Variants in ACTR3 observed in about 807,000 individuals in gnomAD.
The protein encoded by ACTR3 is actin related protein 3.
Under a neutral mutation model 56.8 loss-of-function variants are expected in ACTR3, and 12 were observed. That is an observed-to-expected ratio of 0.21 (90% CI 0.14 to 0.34). The LOEUF (loss-of-function observed/expected upper bound fraction) is 0.34. Ranked by LOEUF, ACTR3 falls within the 10% of genes least tolerant of loss-of-function variation. The pLI is 1.00. For synonymous variants in ACTR3, 162 were observed against 167.4 expected, an observed-to-expected ratio of 0.97 and a Z score of 0.25; for missense variants, 282 against 512.5, an observed-to-expected ratio of 0.55 and a Z score of 4.34.
intron 1 of ACTR3, among the ~76,000 whole-genome samples, chr2:113,912,607 A>G (rs762064264): frequency 8.5e-5 from 13 of 152,140 alleles, no homozygotes; most frequent in Non-Finnish European, 1.6e-4. Flanking sequence ...TTTGGAGACA[A>G]CCAAAATTAT....
At chr2:113,939,181 G>T (rs1679881773) in intron 6 of ACTR3, among the ~76,000 whole-genome samples, 1 of 151,758 alleles carries the variant, frequency 6.6e-6, no homozygotes, top group South Asian at 2.1e-4. Flanking sequence ...GCGCCACCAT[G>T]CCCGGCTAAT....
intron 1 of ACTR3, 145 bp downstream of exon 1, chr2:113,890,468 G>A: frequency 7.8e-7 from 1 of 1,278,734 alleles, no homozygotes; most frequent in Non-Finnish European, 1.0e-6. Context: ...GAGGGGTGGG[G>A]CCCGCAGCCA....
intron 1 of ACTR3, among the ~76,000 whole-genome samples, chr2:113,911,899 G>A (rs1043084233): frequency 6.6e-6 from 1 of 150,890 alleles, no homozygotes; most frequent in Non-Finnish European, 1.5e-5. Context: ...ACCATGCCTG[G>A]CTAATTTTGT....
intron 3 of ACTR3, among the ~76,000 whole-genome samples, chr2:113,923,260 T>C (rs1262808556): frequency 6.6e-6 from 1 of 152,214 alleles, no homozygotes; most frequent in Non-Finnish European, 1.5e-5. Context: ...TTTTCATCCT[T>C]CTTGATTTGT....
intron 4 of ACTR3, 54 bp from the exon 5 acceptor site, chr2:113,931,247 A>C: frequency 8.9e-7 from 1 of 1,117,614 alleles, no homozygotes; most frequent in Non-Finnish European, 1.3e-6. Flanking sequence ...ATTGTCAAGA[A>C]AGTTATCAAA....
chr2:113,921,895 A>G (rs1679518851), intron 3 of ACTR3, among the ~76,000 whole-genome samples: 1 of 152,172 alleles, frequency 6.6e-6, no homozygotes, highest in Non-Finnish European at 1.5e-5. Flanking sequence ...TCACAGGGGA[A>G]GAGAACTAAG....
intron 1 of ACTR3, among the ~76,000 whole-genome samples, chr2:113,901,503 G>C: frequency 6.6e-6 from 1 of 152,080 alleles, no homozygotes; most frequent in East Asian, 1.9e-4. Context: ...GGATTTATTT[G>C]GTAATCATAT....
rs1241778276 is a variant in ACTR3, at chr2:113,934,339, G to A, written c.493G>A (p.Gly165Ser). The change falls in exon 6 of 12, where the codon GGT (glycine) becomes AGT (serine). Residue 165 changes from glycine to serine, a missense_variant. Transcript: ENST00000263238. ...ACAAGTAGGAGAACGGACGTTGACC[G>A]GTACGGTAATAGACAGTGGAGATGG... ...SRQVGERTLT[G>S]TVIDSGDGVT... The A allele has an allele frequency of 1.2e-6, 2 of 1,609,406 alleles. No homozygotes were observed. The highest frequency in any genetic ancestry group is 1.7e-6 in the Non-Finnish European group (2 of 1,178,498).
At chr2:113,954,660 T>G (rs1680179012) in intron 10 of ACTR3, 2 of 151,800 alleles carry the variant, frequency 1.3e-5, no homozygotes, top group Admixed American at 6.6e-5. Context: ...AGCCACATCT[T>G]TTTTTTTGCC....
intron 1 of ACTR3, among the ~76,000 whole-genome samples, chr2:113,902,078 C>G (rs1047198154): frequency 6.6e-6 from 1 of 152,152 alleles, no homozygotes; most frequent in African/African-American, 2.4e-5. Context: ...TTTAATTATA[C>G]TTACTTTATC....
At chr2:113,934,240 T>G (rs897449450) in intron 5 of ACTR3, 39 bp from the exon 6 acceptor site, 13 of 1,362,702 alleles carry the variant, frequency 9.5e-6, no homozygotes, top group Admixed American at 2.3e-5. Context: ...TTGTTTTTTT[T>G]TTTTGTTTTT....
rs528183862 is a variant in ACTR3, at chr2:113,925,385, G to A, written c.226-1960G>A. Among the ~76,000 whole-genome samples the A allele has an allele frequency of 3.0e-4, 46 of 151,616 alleles. No individual in the cohort carries two copies. The Middle Eastern group carries it at 0.01, about 34-fold the overall frequency. On this transcript the variant is annotated intron_variant, in intron 3 of 11. Transcript: ENST00000263238. ...TAATTTTTGTATTTTTAGTGGAGAC[G>A]GGGTTTCACCATGTTGGCCAGGCTG...
chr2:113,944,196 C>T (rs1679974622), intron 8 of ACTR3, among the ~76,000 whole-genome samples: 1 of 152,048 alleles, frequency 6.6e-6, no homozygotes, highest in Admixed American at 6.6e-5. Context: ...CAGCTTGTTA[C>T]TTATCTCAGT....
rs1172174448 is a variant in ACTR3, at chr2:113,934,326, A to C, written c.480A>C (p.Glu160Asp). The C allele has an allele frequency of 6.2e-7, 1 of 1,609,922 alleles. No individual in the cohort carries two copies. Among genetic ancestry groups the C allele is most frequent in the South Asian group, 1.1e-5 (1 of 89,994 alleles). Reference protein sequence around the residue: ...AASWTSRQVGERTLTGTVIDS... With the variant: ...AASWTSRQVGDRTLTGTVIDS... Reference sequence around the variant, plus strand: ...CTTGGACCTCAAGACAAGTAGGAGAACGGACGTTGACCGGTACGGTAATAG... The same window carrying C: ...CTTGGACCTCAAGACAAGTAGGAGACCGGACGTTGACCGGTACGGTAATAG... The change falls in exon 6 of 12, where the codon GAA becomes GAC. Residue 160 changes from glutamate (E) to aspartate (D), a missense_variant. Glu to Asp is a conservative substitution (Grantham distance 45, BLOSUM62 2). Transcript: ENST00000263238.
rs1273528975 is a variant in ACTR3 at position 113,958,825 on chromosome 2, T to C, written c.*1370T>C. Reference sequence around the variant, plus strand: ...ACTTGAACTCCATTATTCATGAAAATAACACGTTAGGATTGGAATACGTCT... The same window carrying C: ...ACTTGAACTCCATTATTCATGAAAACAACACGTTAGGATTGGAATACGTCT... On this transcript the variant is annotated 3_prime_UTR_variant, in exon 12 of 12. Transcript: ENST00000263238. The C allele has an allele frequency of 6.6e-6, 1 of 152,016 alleles. No individual in the cohort carries two copies. The highest frequency in any genetic ancestry group is 1.5e-5 in the Non-Finnish European group (1 of 67,898). The allele number at this position is 152,016 out of a possible 1,614,324, so 9.4% of individuals were successfully genotyped here. A position where few individuals can be genotyped will look rare whatever the true frequency, so the allele number is the denominator to read the frequency against.
rs1409739459 is a variant in ACTR3 at position 113,957,398 on chromosome 2, T to C, written c.1200T>C (p.Tyr400=). 6.2e-7 allele frequency: 1 copy of C among 1,613,398 alleles called. No individual in the cohort carries two copies. The highest frequency in any genetic ancestry group is 1.3e-5 in the African/African-American group (1 of 74,882). Residue 400 remains tyrosine, a synonymous_variant, in exon 12 of 12, where the codon TAT becomes TAC. Coordinates refer to ENST00000263238, the MANE Select transcript of ACTR3 (RefSeq NM_005721.5). The part of the protein sequence containing the change: ...FYQVCHTKKD[Y]EEIGPSICRH... ...AAGTATGCCACACCAAAAAGGATTATGAAGAAATTGGACCTAGCATTTGTC... is the reference window on the plus strand; with the variant it reads ...AAGTATGCCACACCAAAAAGGATTACGAAGAAATTGGACCTAGCATTTGTC...
At chr2:113,907,051 T>A (rs1574354736) in intron 1 of ACTR3, among the ~76,000 whole-genome samples, 1 of 152,192 alleles carries the variant, frequency 6.6e-6, no homozygotes, top group African/African-American at 2.4e-5. Flanking sequence ...CTTTCAGATA[T>A]GAAAGTTTGT....
chr2:113,938,046 T>C (rs1301247925), intron 6 of ACTR3, among the ~76,000 whole-genome samples: 1 of 152,112 alleles, frequency 6.6e-6, no homozygotes, highest in African/African-American at 2.4e-5. Flanking sequence ...TCTTTTTCTT[T>C]TTTTTGGATA....
chr2:113,903,537 CTTT>C (rs377634915), intron 1 of ACTR3, among the ~76,000 whole-genome samples: 91 of 135,258 alleles, frequency 6.7e-4, no homozygotes, highest in African/African-American at 1.9e-3. Flanking sequence ...TGCTAATTGT[CTTT>C]TTTTTTTTTT....
Sources: gnomAD v4.1 joint callset for allele counts (sites outside exome capture counted in the v4.1 genomes callset) on GRCh38, gnomAD v4.1.1 for gene constraint, MANE v1.5 for transcripts, NCBI Gene and HGNC (gene_info 2026-07-23, HGNC 2026-07-21) for gene names.